The following OXR1 variants were observed in gnomAD, a reference collection of about 807,000 sequenced individuals.
OXR1 encodes oxidation resistance protein 1.
A neutral mutation model predicts 104.6 loss-of-function variants in OXR1; 41 were observed. The ratio of observed to expected loss-of-function variants is 0.39; its 90% CI spans 0.31 to 0.51. The LOEUF (loss-of-function observed/expected upper bound fraction) is 0.51, where lower values mean the gene tolerates loss of function less well. OXR1 is among the 20% of genes least tolerant of loss of function. The pLI is 0.77. For missense variants in OXR1, 955 were observed against 1,031.9 expected, an observed-to-expected ratio of 0.93 and a Z score of 1.02; for synonymous variants, 348 against 348.4, an observed-to-expected ratio of 1.00 and a Z score of 0.01.
intron 1 of OXR1, among the ~76,000 whole-genome samples, chr8:106,350,249 C>A (rs1219734509): frequency 6.6e-6 from 1 of 152,178 alleles, no homozygotes; most frequent in Non-Finnish European, 1.5e-5. Context: ...ATGAAATGAT[C>A]TTTTTTCTCA....
rs71562108 is a variant in OXR1 at position 106,582,177 on chromosome 8, C to CATATATATATATATATATATAT, written c.220+63043_220+63064dup. Reference sequence around the variant, plus strand: ...AGCAAGACAGATTTTTTTCTATTGACATATATATATATATATATATATATA... The same window carrying CATATATATATATATATATATAT: ...AGCAAGACAGATTTTTTTCTATTGACATATATATATATATATATATATATATATATATATATATATATATATA... On this transcript the variant is annotated intron_variant, in intron 3 of 16. Transcript: ENST00000517566. Among the ~76,000 whole-genome samples, 134 of 119,242 alleles carry CATATATATATATATATATATAT rather than the reference C, an allele frequency of 1.1e-3. 2 individuals are homozygous for CATATATATATATATATATATAT. The highest frequency in any genetic ancestry group is 4.8e-3 in the African/African-American group (124 of 25,886). 78.2% of individuals were successfully genotyped at this position (119,242 alleles called of 152,430 possible).
chr8:106,740,390 T>C lies in OXR1; in HGVS notation c.2211T>C (p.Leu737=), dbSNP rs1834818581. 1 of 1,613,206 alleles carries C rather than the reference T, an allele frequency of 6.2e-7. No homozygotes were observed. Among genetic ancestry groups the C allele is most frequent in the Non-Finnish European group, 8.5e-7 (1 of 1,179,372 alleles). Reference sequence around the variant, plus strand: ...GAACAATTGGCTATCCATGGACTCTTGTTTATGGTACTGGAAAACATGGCA... The same window carrying C: ...GAACAATTGGCTATCCATGGACTCTCGTTTATGGTACTGGAAAACATGGCA... ...PPRTIGYPWT[L]VYGTGKHGTS... is the part of the protein sequence containing the mutation. Residue 737 remains leucine, a synonymous_variant, in exon 14 of 17, where the codon CTT becomes CTC. Coordinates refer to ENST00000517566, the MANE Select transcript of OXR1 (RefSeq NM_001198533.2).
intron 11 of OXR1, chr8:106,725,979 A>G: frequency 2.7e-6 from 1 of 371,554 alleles, no homozygotes; most frequent in Admixed American, 4.3e-5. Context: ...TTCTTTGCAC[A>G]TTTGGGTACA....
intron 1 of OXR1, among the ~76,000 whole-genome samples, chr8:106,305,856 G>T (rs1188015030): frequency 6.6e-6 from 1 of 152,004 alleles, no homozygotes; most frequent in Non-Finnish European, 1.5e-5. Context: ...CATTTTATTT[G>T]CTATTTCTAA....
chr8:106,368,608 T>C (rs1171490025), intron 2 of OXR1, among the ~76,000 whole-genome samples: 1 of 151,838 alleles, frequency 6.6e-6, no homozygotes, highest in African/African-American at 2.4e-5. Flanking sequence ...TGTCCATGTG[T>C]TCTCAATGTT....
intron 2 of OXR1, among the ~76,000 whole-genome samples, chr8:106,381,151 G>C (rs182834690): frequency 1.3e-5 from 2 of 152,272 alleles, no homozygotes; most frequent in African/African-American, 4.8e-5. Context: ...ATATTGAAGA[G>C]TTCACACAGG....
intron 3 of OXR1, among the ~76,000 whole-genome samples, chr8:106,603,520 A>G (rs532147863): frequency 6.6e-6 from 1 of 152,188 alleles, no homozygotes; most frequent in Non-Finnish European, 1.5e-5. Flanking sequence ...TTCAAGAATC[A>G]GTTATGAGAG....
intron 1 of OXR1, among the ~76,000 whole-genome samples, chr8:106,315,574 A>G (rs1244590440): frequency 6.6e-6 from 1 of 152,226 alleles, no homozygotes; most frequent in Non-Finnish European, 1.5e-5. Context: ...AGAAATGTTC[A>G]GAAAAGCGGT....
chr8:106,552,962 T>C (rs1815967833), intron 3 of OXR1, among the ~76,000 whole-genome samples: 2 of 152,182 alleles, frequency 1.3e-5, no homozygotes, highest in African/African-American at 4.8e-5. Context: ...ACAAAGACTG[T>C]TTTATTCTCC....
At position 106,486,076 on chromosome 8, in the gene OXR1, C is replaced by G. The variant is rs547446657; in HGVS notation, c.24-32867C>G. Reference sequence around the variant, plus strand: ...CATGGTGACTATAATTAATAATATACTGTATTCTTAAAAATGCTAAGAGAG... The same window carrying G: ...CATGGTGACTATAATTAATAATATAGTGTATTCTTAAAAATGCTAAGAGAG... On this transcript the variant is annotated intron_variant, in intron 2 of 16. Coordinates refer to ENST00000517566, the MANE Select transcript of OXR1 (RefSeq NM_001198533.2). Among the ~76,000 whole-genome samples, 11 of 152,068 alleles carry G rather than the reference C, an allele frequency of 7.2e-5. No individual in the cohort carries two copies. The South Asian group carries it at 2.3e-3, about 32-fold the overall frequency.
chr8:106,673,492 G>T (rs1473020403), intron 3 of OXR1, among the ~76,000 whole-genome samples: 1 of 152,184 alleles, frequency 6.6e-6, no homozygotes, highest in African/African-American at 2.4e-5. Flanking sequence ...GAGCTAAAAA[G>T]TTTGGACAAC....
At chr8:106,397,707 A>G (rs1172509516) in intron 2 of OXR1, among the ~76,000 whole-genome samples, 4 of 152,088 alleles carry the variant, frequency 2.6e-5, no homozygotes, top group African/African-American at 7.2e-5. Flanking sequence ...TAAATCAACA[A>G]TTTCTTTTAA....
intron 2 of OXR1, among the ~76,000 whole-genome samples, chr8:106,492,733 CTT>C (rs1811176062): frequency 6.6e-6 from 1 of 152,112 alleles, no homozygotes; most frequent in Admixed American, 6.5e-5. Context: ...CTGATTAGGT[CTT>C]TGGGATAAGA....
intron 3 of OXR1, among the ~76,000 whole-genome samples, chr8:106,663,047 C>T (rs938992093): frequency 1.3e-5 from 2 of 152,120 alleles, no homozygotes; most frequent in Non-Finnish European, 2.9e-5. Flanking sequence ...ATTCCAAATC[C>T]ATCCTATCCT....
chr8:106,431,543 C>T (rs141227908), intron 2 of OXR1, among the ~76,000 whole-genome samples: 11 of 152,304 alleles, frequency 7.2e-5, no homozygotes, highest in African/African-American at 2.6e-4. Flanking sequence ...ACTCTGCCAT[C>T]ATGCTTCATT....
At chr8:106,517,273 G>A (rs757063126) in intron 2 of OXR1, among the ~76,000 whole-genome samples, 14 of 152,074 alleles carry the variant, frequency 9.2e-5, no homozygotes, top group African/African-American at 1.4e-4. Flanking sequence ...CTTAATATAC[G>A]TAGAATCATA....
At chr8:106,303,705 A>G (rs1379777000) in intron 1 of OXR1, among the ~76,000 whole-genome samples, 2 of 152,222 alleles carry the variant, frequency 1.3e-5, no homozygotes, top group African/African-American at 2.4e-5. Flanking sequence ...AATAAAATGT[A>G]TAACAATAAA....
intron 2 of OXR1, among the ~76,000 whole-genome samples, chr8:106,461,908 G>C (rs1002564684): frequency 6.6e-6 from 1 of 152,154 alleles, no homozygotes; most frequent in Admixed American, 6.5e-5. Flanking sequence ...AACACCTAAA[G>C]ATGCAACATG....
chr8:106,393,110 G>A (rs1817646055), intron 2 of OXR1, among the ~76,000 whole-genome samples: 1 of 152,024 alleles, frequency 6.6e-6, no homozygotes. Flanking sequence ...CTCTTACATA[G>A]CAAGCTGATT....
Sources: gnomAD v4.1 joint callset for allele counts (sites outside exome capture counted in the v4.1 genomes callset) on GRCh38, gnomAD v4.1.1 for gene constraint, MANE v1.5 for transcripts, NCBI Gene and HGNC (gene_info 2026-07-23, HGNC 2026-07-21) for gene names.